Variants in KCNQ3 observed in about 807,000 individuals in gnomAD.
The protein encoded by KCNQ3 is potassium voltage-gated channel subfamily Q member 3.
In KCNQ3, 30 loss-of-function variants were observed where a neutral mutation model predicts 92.5. The observed-to-expected ratio is 0.32, with a 90% CI of 0.24 to 0.44. The LOEUF is 0.44. KCNQ3 is among the 20% of genes least tolerant of loss of function. KCNQ3 has a pLI of 1.00. For synonymous variants in KCNQ3, 450 were observed against 468.8 expected, an observed-to-expected ratio of 0.96 and a Z score of 0.52; for missense variants, 913 against 1,140.3, an observed-to-expected ratio of 0.80 and a Z score of 2.87.
chr8:132,295,106 C>T (rs1448387496), intron 1 of KCNQ3, among the ~76,000 whole-genome samples: 1 of 152,214 alleles, frequency 6.6e-6, no homozygotes. Context: ...AGACAGCCTA[C>T]TGTATAGGAG....
At chr8:132,154,072 C>T (rs887223026) in intron 9 of KCNQ3, among the ~76,000 whole-genome samples, 2 of 151,980 alleles carry the variant, frequency 1.3e-5, no homozygotes, top group African/African-American at 4.8e-5. Flanking sequence ...ATGGGACACT[C>T]CCTTCAGATG....
chr8:132,212,401 C>T (rs958678251), intron 1 of KCNQ3, among the ~76,000 whole-genome samples: 7 of 152,086 alleles, frequency 4.6e-5, no homozygotes. Flanking sequence ...TACCACCTTT[C>T]TTCCATGAAA....
At chr8:132,255,597 T>C (rs957647455) in intron 1 of KCNQ3, among the ~76,000 whole-genome samples, 11 of 151,916 alleles carry the variant, frequency 7.2e-5, no homozygotes, top group African/African-American at 2.7e-4. Flanking sequence ...CTTTTGATGA[T>C]TTTAAGACCC....
rs5895139 is a variant in KCNQ3, at chr8:132,379,306, A to ATT, written c.386+100839_386+100840dup. ...TTCTGTAGTCGAAATGATTAGCTCT[A>ATT]TTTTTTTTTCAGATGAGGAAGAAAT... On this transcript the variant is annotated intron_variant, in intron 1 of 14. Transcript: ENST00000388996. Among the ~76,000 whole-genome samples, 543 of 151,314 alleles carry ATT rather than the reference A, an allele frequency of 3.6e-3. 3 individuals are homozygous for ATT. The highest frequency in any genetic ancestry group is 0.012 in the African/African-American group (488 of 41,278).
At chr8:132,297,738 G>A (rs2130574159) in intron 1 of KCNQ3, among the ~76,000 whole-genome samples, 2 of 36,338 alleles carry the variant, frequency 5.5e-5, no homozygotes, top group African/African-American at 1.2e-4. Flanking sequence ...TCTGAGCAGG[G>A]CTCTGCTGGA....
chr8:132,163,590 G>T (rs1586788144), intron 8 of KCNQ3, 96 bp from the exon 9 acceptor site: 1 of 1,072,976 alleles, frequency 9.3e-7, no homozygotes, highest in East Asian at 2.4e-5. Context: ...CTCTGAAGAT[G>T]ATGGAGCAGA....
At chr8:132,260,339 A>G (rs1815738538) in intron 1 of KCNQ3, among the ~76,000 whole-genome samples, 1 of 152,182 alleles carries the variant, frequency 6.6e-6, no homozygotes, top group African/African-American at 2.4e-5. Context: ...TTCACCTAAC[A>G]ATTATTTACT....
Position 132,294,023 on chromosome 8 carries a change from C to T in KCNQ3, c.387-107842G>A, listed in dbSNP as rs1184344715. Among the ~76,000 whole-genome samples, 117 of 88,662 alleles carry T rather than the reference C, an allele frequency of 1.3e-3. 2 individuals carry two copies. The highest frequency in any genetic ancestry group is 4.5e-3 in the African/African-American group (112 of 24,930). The allele number at this position is 88,662 out of a possible 152,430, so 58.2% of individuals were successfully genotyped here. On this transcript the variant is annotated intron_variant, in intron 1 of 14. Coordinates refer to ENST00000388996, the MANE Select transcript of KCNQ3 (RefSeq NM_004519.4). Reference sequence around the variant, plus strand: ...TGGTTTTTTTTTTTTTTTTTTGAGACGGAGTCTCGCTTTGTCACCCAGGCT... The same window carrying T: ...TGGTTTTTTTTTTTTTTTTTTGAGATGGAGTCTCGCTTTGTCACCCAGGCT...
chr8:132,470,938 A>G (rs562873316), intron 1 of KCNQ3, among the ~76,000 whole-genome samples: 3 of 152,196 alleles, frequency 2.0e-5, no homozygotes, highest in Non-Finnish European at 4.4e-5. Flanking sequence ...TTTAGGCACC[A>G]TTGCAGGTAT....
chr8:132,190,836 G>A (rs1051591122), intron 1 of KCNQ3, among the ~76,000 whole-genome samples: 2 of 152,222 alleles, frequency 1.3e-5, no homozygotes, highest in Admixed American at 6.5e-5. Context: ...TGCACCAAAT[G>A]CATCTCACTT....
At chr8:132,422,087 C>A (rs1462752002) in intron 1 of KCNQ3, among the ~76,000 whole-genome samples, 1 of 152,196 alleles carries the variant, frequency 6.6e-6, no homozygotes, top group South Asian at 2.1e-4. Context: ...CTCACACCAA[C>A]AATGACTGCC....
intron 1 of KCNQ3, 45 bp from the exon 2 acceptor site, chr8:132,186,226 G>A (rs1279863919): frequency 6.9e-7 from 1 of 1,443,482 alleles, no homozygotes; most frequent in East Asian, 2.3e-5. Context: ...TTGAGTCATG[G>A]CTTGCTTTGA....
At chr8:132,172,829 G>T in intron 6 of KCNQ3, 136 bp from the exon 7 acceptor site, 2 of 708,188 alleles carry the variant, frequency 2.8e-6, no homozygotes, top group Non-Finnish European at 5.1e-6. Flanking sequence ...TACAAAGAAG[G>T]GAAGGGGGAA....
In KCNQ3 at chr8:132,124,441, A is replaced by G. The variant is rs1824598078; in HGVS notation, c.*4821T>C. On this transcript the variant is annotated 3_prime_UTR_variant, in exon 15 of 15. Transcript: ENST00000388996. ...ATTGATTGTCTCACTTGAAAATCAA[A>G]ACACGGCAGAAGAGTCAAATGCTTT... 1 of 152,224 alleles carries G rather than the reference A, an allele frequency of 6.6e-6. No homozygotes were observed. Among genetic ancestry groups the G allele is most frequent in the Non-Finnish European group, 1.5e-5 (1 of 68,050 alleles). The allele number at this position is 152,224 out of a possible 1,614,324, so 9.4% of individuals were successfully genotyped here.
chr8:132,358,571 G>C (rs72721028), intron 1 of KCNQ3, among the ~76,000 whole-genome samples: 8 of 152,216 alleles, frequency 5.3e-5, no homozygotes, highest in African/African-American at 1.9e-4. Context: ...AAATATATGC[G>C]TTTGATTCAG....
At chr8:132,293,850 T>G (rs1231506054) in intron 1 of KCNQ3, among the ~76,000 whole-genome samples, 1 of 152,176 alleles carries the variant, frequency 6.6e-6, no homozygotes, top group African/African-American at 2.4e-5. Flanking sequence ...GTCTTGCTCA[T>G]GTATCTTGGG....
At chr8:132,227,663 A>G (rs1160552367) in intron 1 of KCNQ3, among the ~76,000 whole-genome samples, 1 of 152,212 alleles carries the variant, frequency 6.6e-6, no homozygotes, top group Non-Finnish European at 1.5e-5. Context: ...AGGTGACTAC[A>G]CTGGCGGTGC....
chr8:132,311,709 A>G (rs2130612969), intron 1 of KCNQ3, among the ~76,000 whole-genome samples: 1 of 152,350 alleles, frequency 6.6e-6, no homozygotes, highest in East Asian at 1.9e-4. Flanking sequence ...ATTAACTTAA[A>G]GTCAAAGGAA....
At chr8:132,273,577 C>T (rs1359468665) in intron 1 of KCNQ3, among the ~76,000 whole-genome samples, 2 of 152,170 alleles carry the variant, frequency 1.3e-5, no homozygotes, top group African/African-American at 4.8e-5. Flanking sequence ...CTCTTTGTTG[C>T]TTATGCACAT....
Sources: allele counts gnomAD v4.1 joint callset (sites outside exome capture counted in the v4.1 genomes callset), GRCh38; gene constraint gnomAD v4.1.1; transcripts MANE v1.5; gene names NCBI Gene and HGNC (gene_info 2026-07-23, HGNC 2026-07-21).